KYNU: variants seen among roughly 807,000 people sequenced by gnomAD.
KYNU encodes the protein L-kynurenine hydrolase.
A neutral mutation model predicts 59.2 loss-of-function variants in KYNU; 54 were observed. The ratio of observed to expected loss-of-function variants is 0.91; its 90% CI spans 0.73 to 1.14. The LOEUF is 1.14. KYNU is among the 50% of genes most tolerant of loss of function. The probability of loss-of-function intolerance (pLI) is 0.00; values close to 1 mark genes in which losing one functional copy is unlikely to be tolerated. For synonymous variants in KYNU, 177 were observed against 192.0 expected (o/e 0.92, Z 0.65); for missense variants, 567 against 554.4 (o/e 1.02, Z -0.23).
At chr2:142,880,220 A>T (rs1327107058) in intron 1 of KYNU, among the ~76,000 whole-genome samples, 2 of 152,224 alleles carry the variant, frequency 1.3e-5, no homozygotes, top group Non-Finnish European at 2.9e-5. Flanking sequence ...GTAGAACAGC[A>T]ACTCAGTCCA....
Position 143,048,543 on chromosome 2 carries a change from G to T in KYNU, c.*6371G>T, listed in dbSNP as rs1687209320. ...ACAATTCAGAATTTTATTTATGGATGAAGTACATATATAATTTATTACAAT... is the reference window on the plus strand; with the variant it reads ...ACAATTCAGAATTTTATTTATGGATTAAGTACATATATAATTTATTACAAT... On this transcript the variant is annotated 3_prime_UTR_variant, in exon 14 of 14. Coordinates refer to ENST00000264170, the MANE Select transcript of KYNU (RefSeq NM_003937.3). The T allele has an allele frequency of 6.6e-6, 1 of 152,008 alleles. No homozygotes were observed. The highest frequency in any genetic ancestry group is 2.1e-4 in the South Asian group (1 of 4,826). The allele number at this position is 152,008 out of a possible 1,614,324, so 9.4% of individuals were successfully genotyped here.
intron 3 of KYNU, among the ~76,000 whole-genome samples, chr2:142,924,043 GA>G (rs1353936080): frequency 1.3e-5 from 2 of 152,154 alleles, no homozygotes; most frequent in Admixed American, 1.3e-4. Context: ...AGAGCACTAA[GA>G]AAATACATAG....
chr2:142,918,369 T>A (rs1214012576), intron 2 of KYNU, among the ~76,000 whole-genome samples: 1 of 152,170 alleles, frequency 6.6e-6, no homozygotes, highest in Non-Finnish European at 1.5e-5. Context: ...GATTTCCTCA[T>A]GGAGCACAGT....
intron 3 of KYNU, 92 bp downstream of exon 3, chr2:142,918,821 T>C: frequency 1.4e-6 from 2 of 1,386,966 alleles, no homozygotes; most frequent in Non-Finnish European, 2.0e-6. Context: ...AGATGTGTAA[T>C]AGAATCCTAG....
intron 11 of KYNU, among the ~76,000 whole-genome samples, chr2:143,031,134 G>A (rs1471777180): frequency 1.3e-5 from 2 of 152,074 alleles, no homozygotes; most frequent in African/African-American, 4.8e-5. Context: ...TTGCAAAATG[G>A]GATATTCCAG....
At position 143,046,670 on chromosome 2, in the gene KYNU, T is replaced by C. The variant is rs1272353132; in HGVS notation, c.*4498T>C. 6.6e-6 allele frequency: 1 copy of C among 152,040 alleles called. No individual in the cohort carries two copies. The highest frequency in any genetic ancestry group is 1.5e-5 in the Non-Finnish European group (1 of 68,014). 9.4% of individuals were successfully genotyped at this position (152,040 alleles called of 1,614,324 possible). ...CTTGTTTTTTCATCAATACTTCACT[T>C]CCTTAATTACTACAACATAGCAGGG... On this transcript the variant is annotated 3_prime_UTR_variant, in exon 14 of 14. Coordinates refer to ENST00000264170, the MANE Select transcript of KYNU (RefSeq NM_003937.3).
intron 10 of KYNU, among the ~76,000 whole-genome samples, chr2:143,005,354 CA>C (rs1379101939): frequency 2.0e-5 from 3 of 152,088 alleles, no homozygotes; most frequent in African/African-American, 7.2e-5. Flanking sequence ...TCTCATATAC[CA>C]GGTTCCATGT....
intron 2 of KYNU, among the ~76,000 whole-genome samples, chr2:142,911,471 A>G (rs1490881898): frequency 6.6e-6 from 1 of 152,118 alleles, no homozygotes. Context: ...TGGAGTCTTT[A>G]GGGTTTTCTA....
rs1684310145 is a variant in KYNU, at chr2:142,960,624, G to T, written c.583G>T (p.Gly195Trp). ...ESMRMIKPRE[G>W]EETLRIEDIL... ...CTAACTTGTGCCTAACTTGATTTAGGGGGAAGAAACCTTAAGAATAGAGGA... is the reference window on the plus strand; with the variant it reads ...CTAACTTGTGCCTAACTTGATTTAGTGGGAAGAAACCTTAAGAATAGAGGA... The change falls in exon 8 of 14, where the codon GGG (glycine) becomes TGG (tryptophan). Residue 195 changes from glycine to tryptophan, a missense_variant and splice_region_variant. By Grantham distance (184) the Gly-to-Trp change is radical. Coordinates refer to ENST00000264170, the MANE Select transcript of KYNU (RefSeq NM_003937.3). The T allele has an allele frequency of 6.2e-7, 1 of 1,613,124 alleles. No individual in the cohort carries two copies. The highest frequency in any genetic ancestry group is 8.5e-7 in the Non-Finnish European group (1 of 1,179,320).
chr2:142,941,479 T>C (rs1021176971), intron 4 of KYNU, among the ~76,000 whole-genome samples: 36 of 152,232 alleles, frequency 2.4e-4, no homozygotes, highest in African/African-American at 6.3e-4. Context: ...TTTCTTAAAA[T>C]GGGCAAAGTG....
At chr2:142,927,634 T>C (rs768797093) in intron 3 of KYNU, 25 bp from the exon 4 acceptor site, 1 of 1,555,472 alleles carries the variant, frequency 6.4e-7, no homozygotes, top group Non-Finnish European at 8.9e-7. Flanking sequence ...AGCTAAGATA[T>C]GTTTATGTCC....
chr2:143,032,846 C>T (rs981534009), intron 11 of KYNU, among the ~76,000 whole-genome samples: 5 of 151,842 alleles, frequency 3.3e-5, no homozygotes, highest in African/African-American at 1.2e-4. Flanking sequence ...GGAGACATTA[C>T]AATTACATGC....
chr2:142,947,021 C>G, intron 4 of KYNU: 5 of 1,542,338 alleles, frequency 3.2e-6, no homozygotes, highest in Non-Finnish European at 4.4e-6. Flanking sequence ...TCATGGTACC[C>G]TTTTGTGGGC....
At chr2:142,916,097 C>T (rs1682660295) in intron 2 of KYNU, among the ~76,000 whole-genome samples, 1 of 152,106 alleles carries the variant, frequency 6.6e-6, no homozygotes, top group Admixed American at 6.6e-5. Flanking sequence ...ATTTTGGACT[C>T]AGAGCCTGCA....
rs764267884 is a variant in KYNU, at chr2:142,965,727, G to C, written c.729+4957G>C. ...TTCCTGAAATGGCAGCTAAGAAAGA[G>C]CATGAGTAAGGAAATATTTCACATC... On this transcript the variant is annotated intron_variant, in intron 8 of 13. Transcript: ENST00000264170. Among the ~76,000 whole-genome samples, 29 of 152,274 alleles carry C rather than the reference G, an allele frequency of 1.9e-4. No homozygotes were observed. The Middle Eastern group carries it at 0.014, about 71-fold the overall frequency.
intron 4 of KYNU, among the ~76,000 whole-genome samples, chr2:142,948,931 T>C (rs1683890044): frequency 6.6e-6 from 1 of 152,202 alleles, no homozygotes; most frequent in Non-Finnish European, 1.5e-5. Context: ...GTAAGATAAA[T>C]GGCAAGTTAA....
chr2:143,019,416 G>A (rs1686346425), intron 10 of KYNU, among the ~76,000 whole-genome samples: 1 of 152,116 alleles, frequency 6.6e-6, no homozygotes, highest in African/African-American at 2.4e-5. Context: ...CCTAGATTGT[G>A]TTCATGTGAT....
intron 5 of KYNU, among the ~76,000 whole-genome samples, chr2:142,955,770 C>A (rs544982569): frequency 6.6e-6 from 1 of 152,018 alleles, no homozygotes; most frequent in African/African-American, 2.4e-5. Context: ...AAGAGCTTCA[C>A]TGAACAAATG....
At chr2:142,892,751 C>G (rs769793130) in intron 2 of KYNU, among the ~76,000 whole-genome samples, 1 of 152,174 alleles carries the variant, frequency 6.6e-6, no homozygotes, top group Non-Finnish European at 1.5e-5. Flanking sequence ...TTCACTGATA[C>G]AATTAACTTG....
Sources: allele counts gnomAD v4.1 joint callset (sites outside exome capture counted in the v4.1 genomes callset), GRCh38; gene constraint gnomAD v4.1.1; transcripts MANE v1.5; gene names NCBI Gene and HGNC (gene_info 2026-07-23, HGNC 2026-07-21).